CFAP61: variants seen among roughly 807,000 people sequenced by gnomAD.
CFAP61 encodes the protein cilia and flagella associated protein 61.
A neutral mutation model predicts 135.6 loss-of-function variants in CFAP61; 107 were observed. That is an observed-to-expected ratio of 0.79 (90% CI 0.67 to 0.93). CFAP61 has a LOEUF of 0.93. Ranked by LOEUF, CFAP61 falls within the 40% of genes least tolerant of loss-of-function variation. The pLI, the probability that CFAP61 is intolerant of heterozygous loss-of-function variation, is 0.00. For synonymous variants in CFAP61, 575 were observed against 578.5 expected, an observed-to-expected ratio of 0.99 and a Z score of 0.09; for missense variants, 1,507 against 1,556.2, an observed-to-expected ratio of 0.97 and a Z score of 0.53.
intron 2 of CFAP61, among the ~76,000 whole-genome samples, chr20:20,070,404 A>G (rs1370792474): frequency 6.6e-6 from 1 of 152,100 alleles, no homozygotes; most frequent in African/African-American, 2.4e-5. Context: ...CATTCATCCT[A>G]GTTTGCCCAG....
intron 18 of CFAP61, among the ~76,000 whole-genome samples, chr20:20,229,597 A>G (rs556449757): frequency 2.6e-5 from 4 of 152,272 alleles, no homozygotes; most frequent in Non-Finnish European, 5.9e-5. Flanking sequence ...GGATGGAGGA[A>G]ATGACCCTCA....
chr20:20,159,044 T>C (rs932397631), intron 9 of CFAP61, among the ~76,000 whole-genome samples: 1 of 152,234 alleles, frequency 6.6e-6, no homozygotes. Flanking sequence ...AAAAACTTAG[T>C]GCACCTTTCA....
At chr20:20,327,777 CAAAAAAAAAAAAAA>C (rs60171844) in intron 25 of CFAP61, among the ~76,000 whole-genome samples, 11 of 60,346 alleles carry the variant, frequency 1.8e-4, no homozygotes, top group South Asian at 1.6e-3. Context: ...AAGAGCCTGT[CAAAAAAAAAAAAAA>C]AAAAAAAAAA....
In CFAP61 at chr20:20,169,358, C is replaced by T. The variant is rs1291161711; in HGVS notation, c.1283C>T (p.Thr428Ile). 5 of 1,613,788 alleles carry T rather than the reference C, an allele frequency of 3.1e-6. No homozygotes were observed. Among genetic ancestry groups the T allele is most frequent in the Middle Eastern group, 3.3e-4 (2 of 6,060 alleles). Residue 428 changes from threonine to isoleucine, a missense_variant, in exon 13 of 27, where the codon ACC becomes ATC. Coordinates refer to ENST00000245957, the MANE Select transcript of CFAP61 (RefSeq NM_015585.4). Reference sequence around the variant, plus strand: ...TGTGTAATTTCTCTGCCCCATCTCACCCCCGAGTTCTTCCTCATCCAGAAC... The same window carrying T: ...TGTGTAATTTCTCTGCCCCATCTCATCCCCGAGTTCTTCCTCATCCAGAAC... ...NFCVISLPHL[T>I]PEFFLIQNFV...
chr20:20,136,391 T>A (rs754395792), intron 8 of CFAP61, among the ~76,000 whole-genome samples: 1 of 152,128 alleles, frequency 6.6e-6, no homozygotes, highest in Non-Finnish European at 1.5e-5. Context: ...TTGAGGCTAT[T>A]TTCTAGACCC....
chr20:20,059,999 A>C (rs755227749), intron 2 of CFAP61, among the ~76,000 whole-genome samples: 24 of 152,164 alleles, frequency 1.6e-4, no homozygotes, highest in Non-Finnish European at 1.8e-4. Flanking sequence ...ATAAATACAC[A>C]GAGAAATCCC....
intron 26 of CFAP61, among the ~76,000 whole-genome samples, chr20:20,354,502 CA>C (rs112245982): frequency 0.32 from 43,030 of 133,656 alleles, 6,401 homozygotes; most frequent in African/African-American, 0.38. Flanking sequence ...GACCTTGTCT[CA>C]AAAAAAAAAA....
intron 6 of CFAP61, among the ~76,000 whole-genome samples, chr20:20,088,618 A>G (rs2046969071): frequency 6.6e-6 from 1 of 151,602 alleles, no homozygotes; most frequent in Non-Finnish European, 1.5e-5. Flanking sequence ...GGGAACTACA[A>G]TTCAAGATGA....
Position 20,075,490 on chromosome 20 carries a change from C to T in CFAP61, c.441C>T (p.Gly147=). ...TGTTTCTTTATCTCTGTGATTTAGG[C>T]TCAACTCTCATAACTGTTTTTGACC... The part of the protein sequence containing the change: ...FLIVPSYMSL[G]STLITVFDQV... The change falls in exon 6 of 27, where the codon GGC becomes GGT. Residue 147 remains glycine (G), a splice_region_variant and synonymous_variant. Coordinates refer to ENST00000245957, the MANE Select transcript of CFAP61 (RefSeq NM_015585.4). 1 of 1,613,944 alleles carries T rather than the reference C, an allele frequency of 6.2e-7. No homozygotes were observed. The highest frequency in any genetic ancestry group is 8.5e-7 in the Non-Finnish European group (1 of 1,179,822).
chr20:20,106,000 CTATATATATATATATATATA>C lies in CFAP61; in HGVS notation c.859+7217_859+7236del, dbSNP rs10523115. Among the ~76,000 whole-genome samples the C allele has an allele frequency of 8.4e-3, 867 of 102,618 alleles. 35 individuals are homozygous for C. Among genetic ancestry groups the C allele is most frequent in the African/African-American group, 0.02 (490 of 24,096 alleles). 67.3% of individuals were successfully genotyped at this position (102,618 alleles called of 152,430 possible). On this transcript the variant is annotated intron_variant, in intron 8 of 26. Coordinates refer to ENST00000245957, the MANE Select transcript of CFAP61 (RefSeq NM_015585.4). ...CTTCGAAAGCTTTAGCTACTCTTGC[CTATATATATATATATATATA>C]TATATATATATATATATATATATAT...
chr20:20,218,341 C>T (rs1054917812), intron 17 of CFAP61, among the ~76,000 whole-genome samples: 2 of 152,196 alleles, frequency 1.3e-5, no homozygotes, highest in Admixed American at 1.3e-4. Context: ...TGTCTTGCCA[C>T]CACCATGTAA....
At chr20:20,106,029 TATATATATATATATATATA>T (rs1221887102) in intron 8 of CFAP61, among the ~76,000 whole-genome samples, 3 of 66,824 alleles carry the variant, frequency 4.5e-5, no homozygotes, top group African/African-American at 2.0e-4. Flanking sequence ...TATATATATA[TATATATATATATATATATA>T]TAAAATTTGA....
At chr20:20,148,594 T>C (rs915393811) in intron 9 of CFAP61, among the ~76,000 whole-genome samples, 9 of 152,202 alleles carry the variant, frequency 5.9e-5, no homozygotes, top group Non-Finnish European at 1.3e-4. Flanking sequence ...TCATTGTTGG[T>C]ATATTGTAGT....
chr20:20,092,749 A>T (rs1439175668), intron 7 of CFAP61, among the ~76,000 whole-genome samples: 2 of 152,228 alleles, frequency 1.3e-5, no homozygotes, highest in African/African-American at 2.4e-5. Context: ...ATTCAACATC[A>T]TTAGTCATTA....
intron 13 of CFAP61, among the ~76,000 whole-genome samples, chr20:20,171,437 G>A (rs2054213864): frequency 6.6e-6 from 1 of 152,222 alleles, no homozygotes; most frequent in African/African-American, 2.4e-5. Context: ...GGATGGAAAG[G>A]AAAGCTACAT....
At chr20:20,354,769 G>T (rs1054815572) in intron 26 of CFAP61, among the ~76,000 whole-genome samples, 1 of 150,470 alleles carries the variant, frequency 6.6e-6, no homozygotes, top group Non-Finnish European at 1.5e-5. Flanking sequence ...AAAGGGAGGT[G>T]GTCACGCTGA....
At chr20:20,083,123 A>C (rs188209931) in intron 6 of CFAP61, among the ~76,000 whole-genome samples, 1 of 152,342 alleles carries the variant, frequency 6.6e-6, no homozygotes, top group African/African-American at 2.4e-5. Context: ...TGGTTAAAGG[A>C]AATGTGATAT....
At chr20:20,221,963 T>C (rs2146936734) in intron 17 of CFAP61, 1 of 152,306 alleles carries the variant, frequency 6.6e-6, no homozygotes, top group South Asian at 2.1e-4. Context: ...CATGACTCTC[T>C]TGAAGTGATG....
At chr20:20,342,679 G>T (rs938644178) in intron 26 of CFAP61, among the ~76,000 whole-genome samples, 5 of 151,994 alleles carry the variant, frequency 3.3e-5, no homozygotes, top group African/African-American at 1.2e-4. Context: ...CTTCCTCCTG[G>T]GAGCCCCCAC....
Sources: allele counts gnomAD v4.1 joint callset (sites outside exome capture counted in the v4.1 genomes callset), GRCh38; gene constraint gnomAD v4.1.1; transcripts MANE v1.5; gene names NCBI Gene and HGNC (gene_info 2026-07-23, HGNC 2026-07-21).